Variants in SIPA1 observed in about 807,000 individuals in gnomAD.
The protein encoded by SIPA1 is signal-induced proliferation-associated 1, also known as signal-induced proliferation-associated protein 1.
A neutral mutation model predicts 88.1 loss-of-function variants in SIPA1; 51 were observed. The ratio of observed to expected loss-of-function variants is 0.58; its 90% CI spans 0.46 to 0.73. The LOEUF (loss-of-function observed/expected upper bound fraction) is 0.73. Ranked by LOEUF, SIPA1 falls within the 30% of genes least tolerant of loss-of-function variation. SIPA1 has a pLI of 0.00. For missense variants in SIPA1, 1,348 were observed against 1,467.6 expected (o/e 0.92, Z 1.33); for synonymous variants, 681 against 664.8 (o/e 1.02, Z -0.37).
At position 65,650,631 on chromosome 11, in the gene SIPA1, G is replaced by A; in HGVS notation, c.3045G>A (p.Arg1015=). The A allele has an allele frequency of 1.3e-6, 2 of 1,573,812 alleles. No homozygotes were observed. Among genetic ancestry groups the A allele is most frequent in the Non-Finnish European group, 1.7e-6 (2 of 1,159,624 alleles). ...EVRSLRHNNR[R]LQAESESAAT... is the part of the protein sequence containing the mutation. The stretch of plus-strand genomic sequence containing the variant: ...GGAGCCTGAGACACAACAACCGGCG[G>A]CTGCAGGCGGAGTCTGAGAGTGCAG... Residue 1015 remains arginine (R), a synonymous_variant, in exon 16 of 16, where the codon CGG becomes CGA. Coordinates refer to ENST00000534313, the MANE Select transcript of SIPA1 (RefSeq NM_006747.4).
Position 65,650,424 on chromosome 11 carries a change from A to G in SIPA1, c.2927A>G (p.Glu976Gly). The change falls in exon 15 of 16, where the codon GAG becomes GGG. Residue 976 changes from glutamate to glycine, a missense_variant. By Grantham distance (98) the Glu-to-Gly change is moderately conservative. Transcript: ENST00000534313. ...DAEPEPGNLS[E>G]KVSHLESMLR... ...AGGCCAGAGCCTGGGAACCTCTCAG[A>G]GAAGGTCTCTCACTTGGAGTCCATG... 1 of 1,613,996 alleles carries G rather than the reference A, an allele frequency of 6.2e-7. No individual in the cohort carries two copies. Among genetic ancestry groups the G allele is most frequent in the South Asian group, 1.1e-5 (1 of 91,078 alleles).
rs1344335271 is a variant in SIPA1, at chr11:65,641,231, G to C, written c.310G>C (p.Glu104Gln). Residue 104 changes from glutamate (E) to glutamine (Q), a missense_variant, in exon 2 of 16, where the codon GAG becomes CAG. By Grantham distance (29) the Glu-to-Gln change is conservative (BLOSUM62 2). This residue lies in a region of SIPA1 where 641 missense variants were observed against 797.7 expected (regional missense o/e 0.80). Coordinates refer to ENST00000534313, the MANE Select transcript of SIPA1 (RefSeq NM_006747.4). ...GCTGGGGCTGCCAGCAGAGGAACCA[G>C]AGCCTGCCTTCCCACCAGTGCTTGA... ...ALLGLPAEEP[E>Q]PAFPPVLEPR... The C allele has an allele frequency of 1.2e-6, 2 of 1,613,076 alleles. No homozygotes were observed. The highest frequency in any genetic ancestry group is 1.7e-6 in the Non-Finnish European group (2 of 1,180,024).
At chr11:65,649,167 C>A in intron 9 of SIPA1, 95 bp from the exon 10 acceptor site, 1 of 888,730 alleles carries the variant, frequency 1.1e-6, no homozygotes, top group Non-Finnish European at 1.7e-6. Flanking sequence ...AGCTCTCCTG[C>A]TCCTGGAAGT....
chr11:65,646,407 C>T lies in SIPA1; in HGVS notation c.1421+29C>T, dbSNP rs745482011. The T allele has an allele frequency of 6.2e-7, 1 of 1,602,274 alleles. No homozygotes were observed. Among genetic ancestry groups the T allele is most frequent in the African/African-American group, 1.3e-5 (1 of 74,856 alleles). On this transcript the variant is annotated intron_variant, in intron 7 of 15. Coordinates refer to ENST00000534313, the MANE Select transcript of SIPA1 (RefSeq NM_006747.4). The surrounding 1 kb of genome is among the most constrained non-coding windows in gnomAD (Gnocchi z 7.5). ...GGCACCGGAGTGGTCCCAGGTCTCC[C>T]GTGGGCATGGAGTCCTGCCGCCCCT...
rs1224780980 is a variant in SIPA1 at position 65,649,309 on chromosome 11, G to A, written c.2354G>A (p.Arg785Gln). Residue 785 changes from arginine (R) to glutamine (Q), a missense_variant, in exon 10 of 16, where the codon CGG (arginine) becomes CAG (glutamine). By Grantham distance (43) the Arg-to-Gln change is conservative. This residue lies in a region of SIPA1 where 615 missense variants were observed against 559.8 expected (regional missense o/e 1.10). Coordinates refer to ENST00000534313, the MANE Select transcript of SIPA1 (RefSeq NM_006747.4). ...CTGTCGCTGCAGGAGCCTAGCCGGCGGGGGGCCCCAGATCCTGTGCAGGAT... is the reference window on the plus strand; with the variant it reads ...CTGTCGCTGCAGGAGCCTAGCCGGCAGGGGGCCCCAGATCCTGTGCAGGAT... ...YTLSLQEPSR[R>Q]GAPDPVQDEV... The A allele has an allele frequency of 3.9e-6, 6 of 1,555,158 alleles. No homozygotes were observed. Among genetic ancestry groups the A allele is most frequent in the East Asian group, 2.4e-5 (1 of 41,592 alleles).
At position 65,647,569 on chromosome 11, in the gene SIPA1, C is replaced by T; in HGVS notation, c.2217C>T (p.Leu739=). Residue 739 remains leucine (L), a synonymous_variant, in exon 9 of 16, where the codon CTC becomes CTT. Coordinates refer to ENST00000534313, the MANE Select transcript of SIPA1 (RefSeq NM_006747.4). The part of the protein sequence containing the change: ...LRVCGQTLPS[L]RPEAAAQLLR... The stretch of plus-strand genomic sequence containing the variant: ...TGTGCGGCCAGACTCTGCCCAGCCT[C>T]CGGCCCGAGGCCGCTGCCCAGCTCC... 7.5e-7 allele frequency: 1 copy of T among 1,336,468 alleles called. No individual in the cohort carries two copies. Among genetic ancestry groups the T allele is most frequent in the Non-Finnish European group, 9.6e-7 (1 of 1,045,880 alleles). 82.8% of individuals were successfully genotyped at this position (1,336,468 alleles called of 1,614,324 possible).
chr11:65,644,208 G>A (rs1306871944), intron 4 of SIPA1, among the ~76,000 whole-genome samples: 2 of 151,600 alleles, frequency 1.3e-5, no homozygotes, highest in East Asian at 1.9e-4. Flanking sequence ...AATGGGAGGC[G>A]GAGATGGGGG....
Position 65,646,666 on chromosome 11 carries a change from G to A in SIPA1, c.1632G>A (p.Val544=). 6.5e-7 allele frequency: 1 copy of A among 1,546,482 alleles called. No homozygotes were observed. Among genetic ancestry groups the A allele is most frequent in the Non-Finnish European group, 8.7e-7 (1 of 1,148,406 alleles). ...QYLQDLATNE[V]TTTSLDSASR... ...TGCAAGACCTGGCCACCAACGAGGT[G>A]ACCACTACGTCGCTGGACTCGGCTT... The change falls in exon 8 of 16, where the codon GTG becomes GTA. Residue 544 remains valine, a synonymous_variant. Transcript: ENST00000534313. This position sits in a 1 kb window ranked among gnomAD's most constrained non-coding sequence, Gnocchi z 7.5.
chr11:65,649,154 G>A (rs1010464095), intron 9 of SIPA1, 108 bp from the exon 10 acceptor site: 2 of 756,454 alleles, frequency 2.6e-6, no homozygotes, highest in African/African-American at 3.5e-5. Flanking sequence ...CAGGATGCCG[G>A]GGAGCTCTCC....
chr11:65,647,548 C>T lies in SIPA1; in HGVS notation c.2196C>T (p.Cys732=), dbSNP rs1286866260. 2 of 1,328,492 alleles carry T rather than the reference C, an allele frequency of 1.5e-6. No homozygotes were observed. Among genetic ancestry groups the T allele is most frequent in the African/African-American group, 1.6e-5 (1 of 64,018 alleles). The allele number at this position is 1,328,492 out of a possible 1,614,324, so 82.3% of individuals were successfully genotyped here. Residue 732 remains cysteine, a synonymous_variant, in exon 9 of 16, where the codon TGC becomes TGT. Coordinates refer to ENST00000534313, the MANE Select transcript of SIPA1 (RefSeq NM_006747.4). ...CCGGGGCGCGCCTCCTGCGCGTGTG[C>T]GGCCAGACTCTGCCCAGCCTCCGGC... is the stretch of plus-strand genomic sequence containing the variant. ...LRPGARLLRV[C]GQTLPSLRPE...
rs2135508090 is a variant in SIPA1, at chr11:65,641,296, C to T, written c.375C>T (p.Leu125=). The change falls in exon 2 of 16, where the codon CTC becomes CTT. Residue 125 remains leucine, a synonymous_variant. Transcript: ENST00000534313. ...CCCACTATGACGTGCAAAGCCTGCT[C>T]TTTGATTGGGCTCCGAGGTCTCAGG... ...WFAHYDVQSL[L]FDWAPRSQGM... 1.9e-6 allele frequency: 3 copies of T among 1,613,676 alleles called. No homozygotes were observed. Among genetic ancestry groups the T allele is most frequent in the South Asian group, 2.2e-5 (2 of 91,086 alleles).
At chr11:65,640,455 T>C (rs1855978438) in intron 1 of SIPA1, among the ~76,000 whole-genome samples, 1 of 152,196 alleles carries the variant, frequency 6.6e-6, no homozygotes, top group Non-Finnish European at 1.5e-5. Flanking sequence ...CAGTGGCCCC[T>C]GGGTTTCCCG....
Position 65,650,841 on chromosome 11 carries a change from A to T in SIPA1, c.*126A>T, listed in dbSNP as rs1376214466. 6.6e-6 allele frequency: 7 copies of T among 1,063,626 alleles called. No individual in the cohort carries two copies. The East Asian group carries it at 1.6e-4, about 24-fold the overall frequency. The allele number at this position is 1,063,626 out of a possible 1,614,324, so 65.9% of individuals were successfully genotyped here. ...CCCTAGCCCCTTATTTGGTGGCGGA[A>T]GTGGCCTCCACCCCTTCCCTGTTTG... On this transcript the variant is annotated 3_prime_UTR_variant, in exon 16 of 16. Transcript: ENST00000534313.
chr11:65,646,311 T>C lies in SIPA1; in HGVS notation c.1354T>C (p.Ser452Pro). 6.2e-7 allele frequency: 1 copy of C among 1,613,976 alleles called. No homozygotes were observed. The highest frequency in any genetic ancestry group is 1.1e-5 in the South Asian group (1 of 91,080). Residue 452 changes from serine (S) to proline (P), a missense_variant, in exon 7 of 16, where the codon TCG becomes CCG. Around this residue, in one of 4 missense-constraint regions of SIPA1, gnomAD observed 641 missense variants for 797.7 expected, o/e 0.80. Coordinates refer to ENST00000534313, the MANE Select transcript of SIPA1 (RefSeq NM_006747.4). This position sits in a 1 kb window ranked among gnomAD's most constrained non-coding sequence, Gnocchi z 7.5. ...GCCCTTCTGCCCCACCACCATCCGCTCGCACTTCCAGCACGTGTTCCTAGT... is the reference window on the plus strand; with the variant it reads ...GCCCTTCTGCCCCACCACCATCCGCCCGCACTTCCAGCACGTGTTCCTAGT... ...SKPFCPTTIR[S>P]HFQHVFLVVR...
In SIPA1 at chr11:65,642,616, C is replaced by A; in HGVS notation, c.961C>A (p.Leu321Met). ...AGCTTCACCCAAGGTACCACGGACG[C>A]TGCTCACACTGGATGAGCAAGTGGT... ...GSASPKVPRT[L>M]LTLDEQVLSF... The change falls in exon 4 of 16, where the codon CTG becomes ATG. Residue 321 changes from leucine to methionine, a missense_variant. Leu to Met is a conservative substitution (Grantham distance 15, BLOSUM62 2). This residue lies in a region of SIPA1 where 641 missense variants were observed against 797.7 expected (regional missense o/e 0.80). Coordinates refer to ENST00000534313, the MANE Select transcript of SIPA1 (RefSeq NM_006747.4). This position sits in a 1 kb window ranked among gnomAD's most constrained non-coding sequence, Gnocchi z 6.5. 1 of 1,577,642 alleles carries A rather than the reference C, an allele frequency of 6.3e-7. No individual in the cohort carries two copies. The highest frequency in any genetic ancestry group is 8.6e-7 in the Non-Finnish European group (1 of 1,166,078).
chr11:65,638,958 A>G (rs895185568), intron 1 of SIPA1, among the ~76,000 whole-genome samples: 1 of 152,168 alleles, frequency 6.6e-6, no homozygotes, highest in Non-Finnish European at 1.5e-5. Flanking sequence ...TTCACACACT[A>G]TAGCCCAGGC....
At chr11:65,645,727 G>A (rs1034122953) in intron 5 of SIPA1, 127 bp from the exon 6 acceptor site, 2 of 617,430 alleles carry the variant, frequency 3.2e-6, no homozygotes, top group African/African-American at 1.8e-5. Flanking sequence ...ATTGGCTGGT[G>A]GCATGACTGG....
Position 65,646,601 on chromosome 11 carries a change from C to T in SIPA1, c.1567C>T (p.Gln523Ter). ...NGEQAAGHARQFHAMATRTRQ... is the reference protein window; with the variant it reads ...NGEQAAGHAR ...TGAGCAGGCGGCCGGCCACGCGCGC[C>T]AGTTCCACGCCATGGCCACGCGCAC... Residue 523 changes from glutamine to a stop codon, truncating the protein, a stop_gained, in exon 8 of 16, where the codon CAG (glutamine) becomes TAG (stop). Transcript: ENST00000534313. LOFTEE classifies it high-confidence loss of function. This position sits in a 1 kb window ranked among gnomAD's most constrained non-coding sequence, Gnocchi z 7.5. 1 of 1,544,952 alleles carries T rather than the reference C, an allele frequency of 6.5e-7. No individual in the cohort carries two copies. Among genetic ancestry groups the T allele is most frequent in the Non-Finnish European group, 8.7e-7 (1 of 1,149,942 alleles).
chr11:65,646,073 G>T lies in SIPA1; in HGVS notation c.1263+116G>T. 3 of 1,262,326 alleles carry T rather than the reference G, an allele frequency of 2.4e-6. No homozygotes were observed. The highest frequency in any genetic ancestry group is 1.3e-5 in the South Asian group (1 of 75,120). The allele number at this position is 1,262,326 out of a possible 1,614,324, so 78.2% of individuals were successfully genotyped here. A position where few individuals can be genotyped will look rare whatever the true frequency, so the allele number is the denominator to read the frequency against. On this transcript the variant is annotated intron_variant, in intron 6 of 15. Coordinates refer to ENST00000534313, the MANE Select transcript of SIPA1 (RefSeq NM_006747.4). The surrounding 1 kb of genome is among the most constrained non-coding windows in gnomAD (Gnocchi z 7.5). ...GTTGGCCCCAACAGCCCGCCCCTCT[G>T]GTGGCCCCTTCCCAAAGACAGAAAC... is the stretch of plus-strand genomic sequence containing the variant.
Sources: gnomAD v4.1 joint callset for allele counts (sites outside exome capture counted in the v4.1 genomes callset) on GRCh38, gnomAD v4.1.1 for gene constraint, gnomAD v4.1.1 regional missense constraint, Gnocchi (gnomAD v3.1) non-coding constraint, MANE v1.5 for transcripts, NCBI Gene and HGNC (gene_info 2026-07-23, HGNC 2026-07-21) for gene names.